Variants in FMO5 observed in about 807,000 individuals in gnomAD.
FMO5 encodes flavin-containing monooxygenase 5.
In FMO5, 51 loss-of-function variants were observed where a neutral mutation model predicts 43.6. The observed-to-expected ratio is 1.17, with a 90% CI of 0.93 to 1.48. The LOEUF (loss-of-function observed/expected upper bound fraction) is 1.48, where lower values mean the gene tolerates loss of function less well. FMO5 is among the 40% of genes most tolerant of loss of function. FMO5 has a pLI of 0.00. For synonymous variants in FMO5, 187 were observed against 216.5 expected (o/e 0.86, Z 1.20); for missense variants, 644 against 643.0 (o/e 1.00, Z -0.02).
At chr1:147,203,356 C>T (rs56400874) in intron 6 of FMO5, 42,527 of 1,330,256 alleles carry the variant, frequency 0.032, 1,034 homozygotes, top group South Asian at 0.09. Flanking sequence ...GATTACCTGA[C>T]CCACTCTAAG....
chr1:147,204,270 C>T lies in FMO5; in HGVS notation c.831-2766G>A, dbSNP rs587680261. On this transcript the variant is annotated intron_variant, in intron 6 of 8. Transcript: ENST00000254090. ...CACCTTCTGTTTCCTTCTTAAAAACCATGCCATGCAATACTGAAGAGGAAG... is the reference window on the plus strand; with the variant it reads ...CACCTTCTGTTTCCTTCTTAAAAACTATGCCATGCAATACTGAAGAGGAAG... 253 of 1,038,734 alleles carry T rather than the reference C, an allele frequency of 2.4e-4. 2 individuals are homozygous for T. The South Asian group carries it at 3.0e-3, about 12-fold the overall frequency. 64.3% of individuals were successfully genotyped at this position (1,038,734 alleles called of 1,614,324 possible).
At chr1:147,189,937 T>C (rs1656370761) in intron 8 of FMO5, among the ~76,000 whole-genome samples, 1 of 152,158 alleles carries the variant, frequency 6.6e-6, no homozygotes, top group African/African-American at 2.4e-5. Flanking sequence ...CCTATGTGAC[T>C]TTTTTTAGGC....
intron 7 of FMO5, among the ~76,000 whole-genome samples, chr1:147,193,715 C>T (rs1657367069): frequency 6.6e-6 from 1 of 152,042 alleles, no homozygotes; most frequent in Middle Eastern, 3.2e-3. Context: ...TGTCTTTGTT[C>T]CCATTGGTTT....
chr1:147,194,252 C>T (rs1553919223), intron 7 of FMO5, among the ~76,000 whole-genome samples: 1 of 152,078 alleles, frequency 6.6e-6, no homozygotes, highest in Non-Finnish European at 1.5e-5. Flanking sequence ...ATCCCTTTAC[C>T]ATTATTTAAT....
chr1:147,218,230 C>A lies in FMO5; in HGVS notation c.136-2288G>T, dbSNP rs149945950. ...TGAATGGTTTAGTAAATTATAGTAT[C>A]TCAACATGCAGAATTTTTTTTTTTG... On this transcript the variant is annotated intron_variant, in intron 2 of 8. Coordinates refer to ENST00000254090, the MANE Select transcript of FMO5 (RefSeq NM_001461.4). Among the ~76,000 whole-genome samples the A allele has an allele frequency of 7.6e-3, 1,005 of 132,122 alleles. 8 individuals carry two copies. The highest frequency in any genetic ancestry group is 0.011 in the Non-Finnish European group (687 of 64,282). The allele number at this position is 132,122 out of a possible 152,430, so 86.7% of individuals were successfully genotyped here.
intron 7 of FMO5, among the ~76,000 whole-genome samples, chr1:147,195,419 C>T (rs999626338): frequency 1.3e-4 from 20 of 151,908 alleles, no homozygotes; most frequent in Admixed American, 3.9e-4. Flanking sequence ...AGGCATGAGC[C>T]ACCATGCCCA....
intron 8 of FMO5, among the ~76,000 whole-genome samples, chr1:147,188,522 C>A (rs1204768387): frequency 1.5e-3 from 93 of 61,182 alleles, no homozygotes; most frequent in Middle Eastern, 9.8e-3. Context: ...GACCCCATAT[C>A]AAAAAAAAAA....
At chr1:147,205,880 C>T (rs1354397769) in intron 6 of FMO5, among the ~76,000 whole-genome samples, 2 of 152,028 alleles carry the variant, frequency 1.3e-5, no homozygotes, top group Non-Finnish European at 2.9e-5. Context: ...TCTAAAACAC[C>T]AAAAGCCATG....
intron 6 of FMO5, chr1:147,204,830 C>T (rs1659682317): frequency 6.2e-7 from 1 of 1,603,448 alleles, no homozygotes; most frequent in Non-Finnish European, 8.5e-7. Flanking sequence ...TCCTTGCAAG[C>T]TTGTATGTTT....
intron 7 of FMO5, among the ~76,000 whole-genome samples, chr1:147,195,094 G>A (rs1559641602): frequency 6.6e-6 from 1 of 152,094 alleles, no homozygotes; most frequent in Admixed American, 6.6e-5. Flanking sequence ...ATAATATCCT[G>A]CAGAGTGTTT....
chr1:147,213,104 G>T (rs1465504416), intron 4 of FMO5, among the ~76,000 whole-genome samples: 3 of 152,086 alleles, frequency 2.0e-5, no homozygotes, highest in Non-Finnish European at 2.9e-5. Flanking sequence ...AAACTAAATA[G>T]ACTGCAAATT....
At chr1:147,202,289 G>A (rs1013777945) in intron 6 of FMO5, among the ~76,000 whole-genome samples, 6 of 148,256 alleles carry the variant, frequency 4.0e-5, no homozygotes, top group Admixed American at 2.7e-4. Flanking sequence ...TTCTAGTATC[G>A]TGGAGCTTTC....
chr1:147,199,368 T>C (rs72708586), intron 7 of FMO5, among the ~76,000 whole-genome samples: 5,613 of 152,260 alleles, frequency 0.037, 146 homozygotes, highest in South Asian at 0.095. Context: ...AGAGTTCCTG[T>C]TGGAAGTCTG....
intron 8 of FMO5, 81 bp downstream of exon 8, chr1:147,190,096 C>T (rs1656416113): frequency 2.3e-6 from 2 of 852,900 alleles, no homozygotes; most frequent in East Asian, 2.6e-5. Context: ...TAACATGAGG[C>T]AGTTAAATAC....
Position 147,186,819 on chromosome 1 carries a change from C to T in FMO5, c.*81G>A. 1.3e-6 allele frequency: 2 copies of T among 1,519,998 alleles called. No individual in the cohort carries two copies. Among genetic ancestry groups the T allele is most frequent in the South Asian group, 1.3e-5 (1 of 74,740 alleles). The allele number at this position is 1,519,998 out of a possible 1,614,324, so 94.2% of individuals were successfully genotyped here. On this transcript the variant is annotated 3_prime_UTR_variant, in exon 9 of 9. Transcript: ENST00000254090. ...AAGTAGATTTCTGGGCAATATGAAA[C>T]TGAGAGTCAATCTCGTCAGATTCTG...
intron 6 of FMO5, chr1:147,204,590 C>T (rs1659630993): frequency 5.7e-6 from 9 of 1,592,088 alleles, no homozygotes; most frequent in Non-Finnish European, 7.7e-6. Flanking sequence ...AGTTCTTCAG[C>T]TAATTCCAGG....
chr1:147,187,187 G>C lies in FMO5; in HGVS notation c.1315C>G (p.Leu439Val). The stretch of plus-strand genomic sequence containing the variant: ...GGCCTGACCCCCACCAAATCAGCAA[G>C]CTCTTCCATGGTATCTATGTAGTCT... Reference protein sequence around the residue: ...QGDYIDTMEELADLVGVRPNL... With the variant: ...QGDYIDTMEEVADLVGVRPNL... Residue 439 changes from leucine (L) to valine (V), a missense_variant, in exon 9 of 9, where the codon CTT (leucine) becomes GTT (valine). Physicochemically the swap from Leu to Val is conservative, Grantham distance 32. Transcript: ENST00000254090. 2 of 1,614,134 alleles carry C rather than the reference G, an allele frequency of 1.2e-6. No individual in the cohort carries two copies. The highest frequency in any genetic ancestry group is 1.7e-6 in the Non-Finnish European group (2 of 1,180,020).
chr1:147,200,593 C>CTT (rs67581665), intron 7 of FMO5, among the ~76,000 whole-genome samples: 1,841 of 149,796 alleles, frequency 0.012, 35 homozygotes, highest in African/African-American at 0.041. Context: ...ACCTATTCCC[C>CTT]TTTTTTTTTC....
At chr1:147,221,799 C>A (rs1663052769) in intron 2 of FMO5, among the ~76,000 whole-genome samples, 1 of 152,160 alleles carries the variant, frequency 6.6e-6, no homozygotes, top group Admixed American at 6.6e-5. Context: ...AATCACTAAC[C>A]ACAACAAGTG....
Sources: allele counts gnomAD v4.1 joint callset (sites outside exome capture counted in the v4.1 genomes callset), GRCh38; gene constraint gnomAD v4.1.1; transcripts MANE v1.5; gene names NCBI Gene and HGNC (gene_info 2026-07-23, HGNC 2026-07-21).